The following SNX31 variants were observed in gnomAD, a reference collection of about 807,000 sequenced individuals.
The protein encoded by SNX31 is sorting nexin 31.
In SNX31, 58 loss-of-function variants were observed where a neutral mutation model predicts 65.4. That is an observed-to-expected ratio of 0.89 (90% CI 0.72 to 1.10). The LOEUF (loss-of-function observed/expected upper bound fraction) is 1.10, where lower values mean the gene tolerates loss of function less well. Among genes scored for constraint, SNX31 ranks in the 50% least tolerant of loss-of-function variants. The probability of loss-of-function intolerance (pLI) is 0.00; values close to 1 mark genes in which losing one functional copy is unlikely to be tolerated. For missense variants in SNX31, 523 were observed against 529.7 expected (o/e 0.99, Z 0.12); for synonymous variants, 181 against 190.1 (o/e 0.95, Z 0.39).
chr8:100,654,877 G>A (rs1362531149), intron 1 of SNX31, among the ~76,000 whole-genome samples: 3 of 152,170 alleles, frequency 2.0e-5, no homozygotes, highest in East Asian at 3.9e-4. Flanking sequence ...GCCAGATGTG[G>A]TAGTACACAC....
intron 10 of SNX31, 62 bp from the exon 11 acceptor site, chr8:100,589,041 G>T: frequency 2.3e-6 from 3 of 1,332,516 alleles, no homozygotes; most frequent in Non-Finnish European, 3.2e-6. Flanking sequence ...TGCCGGGCAC[G>T]GTGGCTCACA....
Position 100,576,947 on chromosome 8 carries a change from T to G in SNX31, c.1227+72A>C. The G allele has an allele frequency of 8.0e-7, 1 of 1,248,822 alleles. No individual in the cohort carries two copies. Among genetic ancestry groups the G allele is most frequent in the Non-Finnish European group, 1.1e-6 (1 of 870,302 alleles). The allele number at this position is 1,248,822 out of a possible 1,614,324, so 77.4% of individuals were successfully genotyped here. On this transcript the variant is annotated intron_variant, in intron 13 of 13. Transcript: ENST00000311812. The surrounding 1 kb of genome is among the most constrained non-coding windows in gnomAD (Gnocchi z 4.8). ...ACTTATTATTGAAAGTGAGATGACT[T>G]TGGTTAAAGAGGAAAAAAGATCAGA... is the stretch of plus-strand genomic sequence containing the variant.
chr8:100,638,638 G>C (rs1818942426), intron 2 of SNX31, among the ~76,000 whole-genome samples: 1 of 152,226 alleles, frequency 6.6e-6, no homozygotes, highest in African/African-American at 2.4e-5. Context: ...AGAGAATACA[G>C]AATATTACAA....
upstream of SNX31, among the ~76,000 whole-genome samples, chr8:100,653,457 C>T (rs964184593): frequency 1.1e-4 from 16 of 152,136 alleles, no homozygotes; most frequent in African/African-American, 3.1e-4. Context: ...TTAGCGTATC[C>T]TTATAAGGCA....
chr8:100,633,283 G>T (rs1303125974), intron 3 of SNX31, among the ~76,000 whole-genome samples: 2 of 152,044 alleles, frequency 1.3e-5, no homozygotes, highest in Non-Finnish European at 2.9e-5. Context: ...TATCAATGTT[G>T]TTTCCTGGTT....
intron 12 of SNX31, among the ~76,000 whole-genome samples, chr8:100,582,960 C>T (rs543221820): frequency 6.7e-5 from 10 of 148,436 alleles, no homozygotes; most frequent in East Asian, 4.0e-4. Context: ...CCAGCCTGGG[C>T]GACAGAGTGA....
At chr8:100,642,849 A>G (rs10955234) in intron 2 of SNX31, among the ~76,000 whole-genome samples, 13,937 of 152,018 alleles carry the variant, frequency 0.092, 714 homozygotes, top group African/African-American at 0.11. Context: ...GTTTGTTTGG[A>G]GTATTGTGGG....
Position 100,612,927 on chromosome 8 carries a change from C to T in SNX31, c.523+68G>A, listed in dbSNP as rs1431143823. Reference sequence around the variant, plus strand: ...GGTGGCCAGCCCCTCAGCTGTGACTCCTATGAGCCCCTGCTCACACCTGTC... The same window carrying T: ...GGTGGCCAGCCCCTCAGCTGTGACTTCTATGAGCCCCTGCTCACACCTGTC... On this transcript the variant is annotated intron_variant, in intron 6 of 13. Transcript: ENST00000311812. The surrounding 1 kb of genome is among the most constrained non-coding windows in gnomAD (Gnocchi z 4.3). The T allele has an allele frequency of 7.3e-7, 1 of 1,365,596 alleles. No individual in the cohort carries two copies. Among genetic ancestry groups the T allele is most frequent in the Non-Finnish European group, 1.0e-6 (1 of 954,422 alleles). The allele number at this position is 1,365,596 out of a possible 1,614,324, so 84.6% of individuals were successfully genotyped here. A position where few individuals can be genotyped will look rare whatever the true frequency, so the allele number is the denominator to read the frequency against.
intron 10 of SNX31, among the ~76,000 whole-genome samples, chr8:100,590,618 A>G (rs909175960): frequency 1.3e-5 from 2 of 151,408 alleles, no homozygotes; most frequent in African/African-American, 4.9e-5. Context: ...ATCTCTACTA[A>G]AAACACACAA....
At chr8:100,634,744 GTCTC>G (rs1446633297) in intron 3 of SNX31, among the ~76,000 whole-genome samples, 1 of 127,540 alleles carries the variant, frequency 7.8e-6, no homozygotes, top group Non-Finnish European at 1.6e-5. Context: ...GCGAGACTCT[GTCTC>G]TCTGTCTTAA....
At chr8:100,598,641 G>T (rs1469994807) in intron 9 of SNX31, among the ~76,000 whole-genome samples, 2 of 149,906 alleles carry the variant, frequency 1.3e-5, no homozygotes, top group Non-Finnish European at 2.9e-5. Flanking sequence ...ATTCTACAAG[G>T]ATTCTCTACT....
In SNX31 at chr8:100,614,037, G is replaced by A. The variant is rs1031629505; in HGVS notation, c.433-952C>T. Reference sequence around the variant, plus strand: ...GCTCACAGGGGGCCTTCTCTTGTCAGAGATACATAAATTACCCCCAGGAAG... The same window carrying A: ...GCTCACAGGGGGCCTTCTCTTGTCAAAGATACATAAATTACCCCCAGGAAG... On this transcript the variant is annotated intron_variant, in intron 5 of 13. Coordinates refer to ENST00000311812, the MANE Select transcript of SNX31 (RefSeq NM_152628.4). This position sits in a 1 kb window ranked among gnomAD's most constrained non-coding sequence, Gnocchi z 5.1. Among the ~76,000 whole-genome samples, 1 of 152,174 alleles carries A rather than the reference G, an allele frequency of 6.6e-6. No individual in the cohort carries two copies. The highest frequency in any genetic ancestry group is 2.4e-5 in the African/African-American group (1 of 41,428).
intron 12 of SNX31, among the ~76,000 whole-genome samples, chr8:100,581,333 CTATCTATATA>C (rs1813514440): frequency 7.3e-6 from 1 of 137,226 alleles, no homozygotes; most frequent in African/African-American, 3.1e-5. Context: ...ATCTATCTAT[CTATCTATATA>C]TATATATATA....
intron 11 of SNX31, among the ~76,000 whole-genome samples, chr8:100,587,447 C>G (rs1374665088): frequency 6.6e-6 from 1 of 152,214 alleles, no homozygotes; most frequent in Non-Finnish European, 1.5e-5. Flanking sequence ...ACAGGTTTCA[C>G]AGCTGATACA....
intron 3 of SNX31, among the ~76,000 whole-genome samples, chr8:100,634,473 A>G (rs537492353): frequency 6.6e-6 from 1 of 152,282 alleles, no homozygotes; most frequent in Non-Finnish European, 1.5e-5. Context: ...TAGGCCAGGC[A>G]TGGTGGCTCA....
At chr8:100,623,958 G>A (rs1205430430) in intron 4 of SNX31, among the ~76,000 whole-genome samples, 2 of 149,124 alleles carry the variant, frequency 1.3e-5, no homozygotes, top group Admixed American at 6.7e-5. Flanking sequence ...AGACAACTAA[G>A]CATTTTTTTT....
At chr8:100,620,224 G>T (rs550225754) in intron 4 of SNX31, among the ~76,000 whole-genome samples, 17 of 152,252 alleles carry the variant, frequency 1.1e-4, no homozygotes, top group African/African-American at 3.9e-4. Context: ...CAAAGTTGGG[G>T]CTCAGGTCAG....
rs112028159 is a variant in SNX31, at chr8:100,617,788, G to A, written c.322-58C>T. The A allele has an allele frequency of 3.7e-5, 48 of 1,312,662 alleles. 1 individual carries two copies. Among genetic ancestry groups the A allele is most frequent in the African/African-American group, 2.1e-4 (14 of 67,260 alleles). 81.3% of individuals were successfully genotyped at this position (1,312,662 alleles called of 1,614,324 possible). A position where few individuals can be genotyped will look rare whatever the true frequency, so the allele number is the denominator to read the frequency against. On this transcript the variant is annotated intron_variant, in intron 4 of 13. Transcript: ENST00000311812. ...ACACCTTTTTTTTTTTTTTGGAGGC[G>A]GAGTCTCACTCTGTTGCCCAGGCTG...
At position 100,614,744 on chromosome 8, in the gene SNX31, G is replaced by C. The variant is rs1353241496; in HGVS notation, c.433-1659C>G. 6.6e-6 allele frequency among the ~76,000 whole-genome samples: 1 copy of C among 152,172 alleles called. No homozygotes were observed. The highest frequency in any genetic ancestry group is 2.4e-5 in the African/African-American group (1 of 41,430). The stretch of plus-strand genomic sequence containing the variant: ...AAAATACAAAAATTAGCTGGGTATG[G>C]TGGCACGTGCTTGTAATCCCAGCTA... On this transcript the variant is annotated intron_variant, in intron 5 of 13. Coordinates refer to ENST00000311812, the MANE Select transcript of SNX31 (RefSeq NM_152628.4). This position sits in a 1 kb window ranked among gnomAD's most constrained non-coding sequence, Gnocchi z 5.1.
Sources: allele counts gnomAD v4.1 joint callset (sites outside exome capture counted in the v4.1 genomes callset), GRCh38; gene constraint gnomAD v4.1.1; non-coding constraint Gnocchi (gnomAD v3.1); transcripts MANE v1.5; gene names NCBI Gene and HGNC (gene_info 2026-07-23, HGNC 2026-07-21).